The following PLK5 variants were observed in gnomAD, a reference collection of about 807,000 sequenced individuals.
PLK5 encodes polo like kinase 5 (inactive).
PLK5 carries 28 observed loss-of-function variants against 33.7 expected under a neutral mutation model. The ratio of observed to expected loss-of-function variants is 0.83; its 90% confidence interval spans 0.62 to 1.14. The LOEUF is 1.14. PLK5 is among the 50% of genes most tolerant of loss of function. The pLI, the probability that PLK5 is intolerant of heterozygous loss-of-function variation, is 0.00. For missense variants in PLK5, 492 were observed against 461.5 expected (o/e 1.07, Z -0.61); for synonymous variants, 225 against 202.2 (o/e 1.11, Z -0.96).
intron 11 of PLK5, among the ~76,000 whole-genome samples, chr19:1,531,000 G>A (rs1371036912): frequency 6.6e-6 from 1 of 152,116 alleles, no homozygotes; most frequent in East Asian, 1.9e-4. Context: ...GCTGAGGAAG[G>A]AGGATCACTT....
In PLK5 at chr19:1,529,386, C is replaced by G. The variant is rs2656862; in HGVS notation, c.406-20C>G. The G allele has an allele frequency of 9.8e-3, 14,960 of 1,533,012 alleles. 1,286 individuals carry two copies. The African/African-American group carries it at 0.18, about 18-fold the overall frequency. 95.0% of individuals were successfully genotyped at this position (1,533,012 alleles called of 1,614,324 possible). ...GGGCTGGGGCCGGGGCCACCCCCAC[C>G]CCTGCTGCTCCCACCTCAGAGCTCC... On this transcript the variant is annotated intron_variant, in intron 9 of 13. Transcript: ENST00000454744.
chr19:1,531,770 AT>A lies in PLK5; in HGVS notation c.602del (p.Ile201ThrfsTer76). 6.5e-7 allele frequency: 1 copy of A among 1,536,102 alleles called. No individual in the cohort carries two copies. Among genetic ancestry groups the A allele is most frequent in the Non-Finnish European group, 8.7e-7 (1 of 1,146,866 alleles). The stretch of plus-strand genomic sequence containing the variant: ...GGACCCCCTGGGAGAGCAGCAGCCC[AT>A]CCTCTGGGCCCCCAAATGGGTGGAT... ...TQDPLGEQQP[I>X]LWAPKWVDYS... On this transcript the variant is annotated frameshift_variant, in exon 12 of 14. Transcript: ENST00000454744. LOFTEE classifies it high-confidence loss of function.
intron 12 of PLK5, 122 bp from the exon 13 acceptor site, chr19:1,533,809 G>A (rs898257843): frequency 5.0e-4 from 382 of 763,750 alleles, no homozygotes; most frequent in Middle Eastern, 3.7e-3. Flanking sequence ...TGGCCGTGCT[G>A]CAGCTCTTTG....
Position 1,530,672 on chromosome 19 carries a change from T to C in PLK5, c.568+848T>C, listed in dbSNP as rs1424707427. Among the ~76,000 whole-genome samples the C allele has an allele frequency of 2.3e-5, 3 of 129,196 alleles. No homozygotes were observed. In the East Asian group the frequency reaches 8.3e-4, roughly 36 times the overall value. The allele number at this position is 129,196 out of a possible 152,430, so 84.8% of individuals were successfully genotyped here. A position where few individuals can be genotyped will look rare whatever the true frequency, so the allele number is the denominator to read the frequency against. On this transcript the variant is annotated intron_variant, in intron 11 of 13. Transcript: ENST00000454744. The stretch of plus-strand genomic sequence containing the variant: ...TCTCACTCTGTCGCCCAGGCTGGAG[T>C]GCTGTGGCGTGATCTCGGCTCACTG...
intron 13 of PLK5, among the ~76,000 whole-genome samples, chr19:1,534,488 C>A (rs1471627029): frequency 8.2e-6 from 1 of 121,594 alleles, no homozygotes; most frequent in African/African-American, 3.2e-5. Context: ...GCCTGGGCGA[C>A]AGAGCAAGAC....
At chr19:1,533,147 C>T (rs536510252) in intron 12 of PLK5, among the ~76,000 whole-genome samples, 17 of 151,910 alleles carry the variant, frequency 1.1e-4, no homozygotes, top group South Asian at 1.0e-3. Context: ...TTTTTTGAGA[C>T]GGAGTTGTGC....
chr19:1,530,095 G>C (rs1313281599), intron 11 of PLK5, among the ~76,000 whole-genome samples: 1 of 152,002 alleles, frequency 6.6e-6, no homozygotes, highest in Admixed American at 6.6e-5. Context: ...AACGTGACCT[G>C]GGACGTTGGA....
Position 1,531,782 on chromosome 19 carries a change from C to A in PLK5, c.613C>A (p.Pro205Thr), listed in dbSNP as rs1195151075. The A allele has an allele frequency of 6.5e-7, 1 of 1,535,874 alleles. No homozygotes were observed. The highest frequency in any genetic ancestry group is 1.4e-5 in the African/African-American group (1 of 73,114). Residue 205 changes from proline to threonine, a missense_variant, in exon 12 of 14, where the codon CCC becomes ACC. Pro to Thr is a conservative substitution (Grantham distance 38). Coordinates refer to ENST00000454744, the MANE Select transcript of PLK5 (RefSeq NM_001243079.2). The stretch of plus-strand genomic sequence containing the variant: ...AGAGCAGCAGCCCATCCTCTGGGCC[C>A]CCAAATGGGTGGATTATTCCAGCAA... ...LGEQQPILWA[P>T]KWVDYSSKYG...
intron 8 of PLK5, 149 bp from the exon 9 acceptor site, chr19:1,528,749 T>A: frequency 2.7e-6 from 2 of 730,318 alleles, no homozygotes; most frequent in Non-Finnish European, 4.1e-6. Context: ...TGCCCACACC[T>A]CCCGCCTGCC....
intron 11 of PLK5, 138 bp downstream of exon 11, chr19:1,529,962 AT>A: frequency 1.1e-6 from 1 of 882,502 alleles, no homozygotes; most frequent in Non-Finnish European, 1.7e-6. Flanking sequence ...ACACGGTGAC[AT>A]CAGGAGAGTG....
At chr19:1,531,440 C>T (rs1177886587) in intron 11 of PLK5, among the ~76,000 whole-genome samples, 1 of 151,700 alleles carries the variant, frequency 6.6e-6, no homozygotes, top group Non-Finnish European at 1.5e-5. Context: ...CAAACAAAAA[C>T]ACACACACCC....
chr19:1,524,538 AG>A lies in PLK5; in HGVS notation c.-544+295del, dbSNP rs1266702168. 6.6e-6 allele frequency among the ~76,000 whole-genome samples: 1 copy of A among 150,794 alleles called. No homozygotes were observed. The highest frequency in any genetic ancestry group is 1.5e-5 in the Non-Finnish European group (1 of 67,756). ...CCTGGGTGTGTGTGCGAGCCTGGCG[AG>A]GGTCTGAGTGTGCCGCGTCTGTGCC... On this transcript the variant is annotated intron_variant, in intron 1 of 13. Coordinates refer to ENST00000454744, the MANE Select transcript of PLK5 (RefSeq NM_001243079.2). The surrounding 1 kb of genome is among the most constrained non-coding windows in gnomAD (Gnocchi z 4.5).
At position 1,524,116 on chromosome 19, in the gene PLK5, C is replaced by T. The variant is rs1239622083; in HGVS notation, c.-674C>T. The stretch of plus-strand genomic sequence containing the variant: ...GCGGCCGCAGCGCGGTGGTCTCGGC[C>T]CGGCTGCGCCAGAGTCCGCGCGATG... On this transcript the variant is annotated 5_prime_UTR_variant, in exon 1 of 14. Transcript: ENST00000454744. The surrounding 1 kb of genome is among the most constrained non-coding windows in gnomAD (Gnocchi z 4.5). 6.6e-6 allele frequency: 1 copy of T among 150,982 alleles called. No homozygotes were observed. Among genetic ancestry groups the T allele is most frequent in the African/African-American group, 2.4e-5 (1 of 41,274 alleles). The allele number at this position is 150,982 out of a possible 1,614,324, so 9.4% of individuals were successfully genotyped here. A position where few individuals can be genotyped will look rare whatever the true frequency, so the allele number is the denominator to read the frequency against.
chr19:1,532,313 G>A (rs998760098), intron 12 of PLK5, among the ~76,000 whole-genome samples: 12 of 151,764 alleles, frequency 7.9e-5, no homozygotes, highest in South Asian at 2.1e-4. Flanking sequence ...GCTGAGGTGC[G>A]GACTCGCTTG....
intron 13 of PLK5, among the ~76,000 whole-genome samples, chr19:1,534,649 CAAAA>C (rs531471498): frequency 0.057 from 7,910 of 138,372 alleles, 719 homozygotes; most frequent in African/African-American, 0.19. Flanking sequence ...ACTAAAAATA[CAAAA>C]AAAAAAAAAA....
At chr19:1,531,604 A>G (rs1913930015) in intron 11 of PLK5, 134 bp from the exon 12 acceptor site, 3 of 1,048,616 alleles carry the variant, frequency 2.9e-6, no homozygotes, top group Non-Finnish European at 3.9e-6. Context: ...TCCACCACCG[A>G]AGCCCCCAAG....
In PLK5 at chr19:1,530,876, C is replaced by T. The variant is rs561769115; in HGVS notation, c.569-862C>T. On this transcript the variant is annotated intron_variant, in intron 11 of 13. Transcript: ENST00000454744. The stretch of plus-strand genomic sequence containing the variant: ...CTCGTGATCCGCCTGTCTCGGCCTC[C>T]CAAAGTGCTAGGATTACAGGTATAA... Among the ~76,000 whole-genome samples the T allele has an allele frequency of 8.6e-5, 13 of 151,766 alleles. No homozygotes were observed. In the South Asian group the frequency reaches 2.5e-3, roughly 29 times the overall value.
chr19:1,535,382 C>T lies in PLK5; in HGVS notation c.*132C>T. The T allele has an allele frequency of 9.9e-7, 1 of 1,005,776 alleles. No homozygotes were observed. Among genetic ancestry groups the T allele is most frequent in the Non-Finnish European group, 1.4e-6 (1 of 715,300 alleles). 62.3% of individuals were successfully genotyped at this position (1,005,776 alleles called of 1,614,324 possible). A position where few individuals can be genotyped will look rare whatever the true frequency, so the allele number is the denominator to read the frequency against. ...GGGCACACGGGAGGTGGGTTCTTGC[C>T]TTGTGGCATGACTGTTCAACCCAGA... On this transcript the variant is annotated 3_prime_UTR_variant, in exon 14 of 14. Coordinates refer to ENST00000454744, the MANE Select transcript of PLK5 (RefSeq NM_001243079.2).
rs1403492203 is a variant in PLK5, at chr19:1,526,689, C to T, written c.-182-15C>T. On this transcript the variant is annotated splice_polypyrimidine_tract_variant and intron_variant, in intron 4 of 13. Coordinates refer to ENST00000454744, the MANE Select transcript of PLK5 (RefSeq NM_001243079.2). The stretch of plus-strand genomic sequence containing the variant: ...ACGGATCCACCCCCATGCGCAATGC[C>T]CCTCCCACTGCCAGGTAACTTCTTC... The T allele has an allele frequency of 1.1e-5, 5 of 460,764 alleles. No individual in the cohort carries two copies. The highest frequency in any genetic ancestry group is 8.5e-5 in the South Asian group (4 of 47,328). 28.5% of individuals were successfully genotyped at this position (460,764 alleles called of 1,614,324 possible). A position where few individuals can be genotyped will look rare whatever the true frequency, so the allele number is the denominator to read the frequency against.
Sources: gnomAD v4.1 joint callset for allele counts (sites outside exome capture counted in the v4.1 genomes callset) on GRCh38, gnomAD v4.1.1 for gene constraint, Gnocchi (gnomAD v3.1) non-coding constraint, MANE v1.5 for transcripts, NCBI Gene and HGNC (gene_info 2026-07-23, HGNC 2026-07-21) for gene names.